MSI2: variants seen among roughly 807,000 people sequenced by gnomAD.
MSI2 encodes the protein musashi RNA binding protein 2, also known as RNA-binding protein Musashi homolog 2.
MSI2 carries 17 observed loss-of-function variants against 45.6 expected under a neutral mutation model. That is an observed-to-expected ratio of 0.37 (90% confidence interval 0.26 to 0.56). The LOEUF is 0.56. Among genes scored for constraint, MSI2 ranks in the 20% least tolerant of loss-of-function variants. The pLI, the probability that MSI2 is intolerant of heterozygous loss-of-function variation, is 0.77. For missense variants in MSI2, 293 were observed against 444.2 expected, an observed-to-expected ratio of 0.66 and a Z score of 3.06; for synonymous variants, 156 against 158.2, an observed-to-expected ratio of 0.99 and a Z score of 0.11.
chr17:57,308,552 T>G (rs552759880), intron 5 of MSI2, among the ~76,000 whole-genome samples: 2 of 152,352 alleles, frequency 1.3e-5, no homozygotes, highest in East Asian at 3.9e-4. Flanking sequence ...CTCTTTGGCA[T>G]ATGATGTTTG....
chr17:57,406,025 G>GC (rs1487010227), intron 6 of MSI2, among the ~76,000 whole-genome samples: 1 of 152,108 alleles, frequency 6.6e-6, no homozygotes, highest in Non-Finnish European at 1.5e-5. Flanking sequence ...CTTTTATAAA[G>GC]CCCCACCTCC....
intron 7 of MSI2, among the ~76,000 whole-genome samples, chr17:57,572,277 C>G (rs1327096322): frequency 3.3e-5 from 5 of 152,214 alleles, no homozygotes; most frequent in Admixed American, 2.0e-4. Flanking sequence ...TTATTTTGAG[C>G]TTCACCCTGT....
intron 6 of MSI2, among the ~76,000 whole-genome samples, chr17:57,459,851 G>A (rs146731531): frequency 0.036 from 5,452 of 151,896 alleles, 328 homozygotes; most frequent in African/African-American, 0.12. Context: ...AAAATTAGCC[G>A]GGCACGGTGG....
intron 8 of MSI2, among the ~76,000 whole-genome samples, chr17:57,605,416 G>T (rs1906445410): frequency 6.6e-6 from 1 of 152,262 alleles, no homozygotes; most frequent in African/African-American, 2.4e-5. Flanking sequence ...CGATGTCAGT[G>T]TAGGCAGGGC....
intron 11 of MSI2, among the ~76,000 whole-genome samples, chr17:57,669,823 C>G (rs1435226602): frequency 6.6e-6 from 1 of 152,202 alleles, no homozygotes; most frequent in Non-Finnish European, 1.5e-5. Context: ...TTGCATTTGC[C>G]TCCCCGAGCC....
Position 57,652,734 on chromosome 17 carries a change from T to C in MSI2, c.790+573T>C, listed in dbSNP as rs1911264793. On this transcript the variant is annotated intron_variant, in intron 11 of 13. Transcript: ENST00000284073. The surrounding 1 kb of genome is among the most constrained non-coding windows in gnomAD (Gnocchi z 4.1). The stretch of plus-strand genomic sequence containing the variant: ...CTTAGCCAGACTCCTCAGCTCCAGC[T>C]GCCAAGGGAATTGGGCTTTCTGTCC... Among the ~76,000 whole-genome samples, 1 of 152,244 alleles carries C rather than the reference T, an allele frequency of 6.6e-6. No homozygotes were observed. The highest frequency in any genetic ancestry group is 2.1e-4 in the South Asian group (1 of 4,832).
chr17:57,622,917 T>A (rs1175746855), intron 9 of MSI2, among the ~76,000 whole-genome samples: 1 of 152,196 alleles, frequency 6.6e-6, no homozygotes, highest in African/African-American at 2.4e-5. Context: ...CCAATAGAAC[T>A]TCCTGCAAGG....
intron 6 of MSI2, among the ~76,000 whole-genome samples, chr17:57,408,088 T>G (rs1458895533): frequency 2.0e-5 from 3 of 152,218 alleles, no homozygotes; most frequent in Non-Finnish European, 4.4e-5. Context: ...TGTGTTTTCC[T>G]GGTGAACTTT....
chr17:57,379,770 C>T (rs1402273400), intron 5 of MSI2, among the ~76,000 whole-genome samples: 1 of 152,032 alleles, frequency 6.6e-6, no homozygotes, highest in Non-Finnish European at 1.5e-5. Flanking sequence ...AGTGGCTATG[C>T]GTTCAGCACC....
chr17:57,327,003 G>A (rs538437851), intron 5 of MSI2, among the ~76,000 whole-genome samples: 7 of 152,294 alleles, frequency 4.6e-5, no homozygotes, highest in South Asian at 2.1e-4. Context: ...AAAACCTCCC[G>A]TGGTTATTGA....
At chr17:57,427,174 G>A (rs2084508601) in intron 6 of MSI2, among the ~76,000 whole-genome samples, 1 of 152,090 alleles carries the variant, frequency 6.6e-6, no homozygotes, top group Admixed American at 6.6e-5. Context: ...AGGTGGGTGG[G>A]TCAGCTGAGG....
chr17:57,446,072 C>T (rs1193400824), intron 6 of MSI2, among the ~76,000 whole-genome samples: 1 of 152,078 alleles, frequency 6.6e-6, no homozygotes. Flanking sequence ...GACAAATACA[C>T]GAACACACTC....
At chr17:57,606,429 G>A (rs1475741977) in intron 8 of MSI2, 2 of 152,288 alleles carry the variant, frequency 1.3e-5, no homozygotes, top group African/African-American at 2.4e-5. Flanking sequence ...GAGCCGGCAA[G>A]TGGAACAGAG....
At chr17:57,522,277 C>G (rs781048829) in intron 6 of MSI2, 1 of 152,232 alleles carries the variant, frequency 6.6e-6, no homozygotes, top group Non-Finnish European at 1.5e-5. Context: ...TATACTAACA[C>G]TTGGAGCGTT....
intron 5 of MSI2, 50 bp from the exon 6 acceptor site, chr17:57,401,329 G>C (rs1202076257): frequency 6.7e-7 from 1 of 1,489,290 alleles, no homozygotes; most frequent in Non-Finnish European, 9.4e-7. Flanking sequence ...CTTGAGCCCT[G>C]CTTTAGATAA....
At chr17:57,261,101 C>T (rs1178905053) in intron 4 of MSI2, among the ~76,000 whole-genome samples, 1 of 152,208 alleles carries the variant, frequency 6.6e-6, no homozygotes, top group East Asian at 1.9e-4. Context: ...AAACCGACAA[C>T]GGGAATATTT....
chr17:57,430,984 GAAAC>G (rs1049606820), intron 6 of MSI2, among the ~76,000 whole-genome samples: 23 of 152,236 alleles, frequency 1.5e-4, no homozygotes, highest in Non-Finnish European at 3.1e-4. Context: ...CCAAGAATTA[GAAAC>G]AAACAAATTC....
chr17:57,553,628 C>T (rs1409041321), intron 7 of MSI2, among the ~76,000 whole-genome samples: 3 of 152,168 alleles, frequency 2.0e-5, no homozygotes, highest in Non-Finnish European at 2.9e-5. Flanking sequence ...AAATCTATCT[C>T]GGCTCTGAAT....
intron 6 of MSI2, among the ~76,000 whole-genome samples, chr17:57,419,012 C>T (rs1336217023): frequency 6.6e-6 from 1 of 152,250 alleles, no homozygotes; most frequent in East Asian, 1.9e-4. Flanking sequence ...CTTATTTCTC[C>T]ATTGTGGTCA....
Sources: gnomAD v4.1 joint callset for allele counts (sites outside exome capture counted in the v4.1 genomes callset) on GRCh38, gnomAD v4.1.1 for gene constraint, Gnocchi (gnomAD v3.1) non-coding constraint, MANE v1.5 for transcripts, NCBI Gene and HGNC (gene_info 2026-07-23, HGNC 2026-07-21) for gene names.